SEC31A: variants seen among roughly 807,000 people sequenced by gnomAD.
SEC31A encodes protein transport protein Sec31A.
A neutral mutation model predicts 151.0 loss-of-function variants in SEC31A; 70 were observed. The observed-to-expected ratio is 0.46, with a 90% CI of 0.38 to 0.57. The LOEUF is 0.57. Ranked by LOEUF, SEC31A falls within the 20% of genes least tolerant of loss-of-function variation. The pLI, the probability that SEC31A is intolerant of heterozygous loss-of-function variation, is 0.00. For missense variants in SEC31A, 1,330 were observed against 1,471.2 expected (o/e 0.90, Z 1.57); for synonymous variants, 475 against 505.9 (o/e 0.94, Z 0.82).
chr4:82,851,449 A>T lies in SEC31A; in HGVS notation c.2310T>A (p.Leu770=), dbSNP rs766991791. The T allele has an allele frequency of 6.2e-7, 1 of 1,611,320 alleles. No individual in the cohort carries two copies. Among genetic ancestry groups the T allele is most frequent in the Non-Finnish European group, 8.5e-7 (1 of 1,179,074 alleles). The part of the protein sequence containing the change: ...QGSIAAALAF[L]PDNTNQPNIM... ...TAATTACCTGGTTGGTGTTGTCAGG[A>T]AGAAAAGCCAAGGCTGCAGCAATAC... is the stretch of plus-strand genomic sequence containing the variant. The change falls in exon 19 of 27, where the codon CTT becomes CTA. Residue 770 remains leucine (L), a synonymous_variant. Transcript: ENST00000395310.
At chr4:82,896,659 C>T (rs1720074753) in intron 3 of SEC31A, among the ~76,000 whole-genome samples, 1 of 152,100 alleles carries the variant, frequency 6.6e-6, no homozygotes, top group Non-Finnish European at 1.5e-5. Context: ...CTTAGAGAAG[C>T]TAATTGGAAC....
At chr4:82,880,952 C>A in intron 2 of SEC31A, 30 bp from the exon 3 acceptor site, 1 of 1,555,234 alleles carries the variant, frequency 6.4e-7, no homozygotes, top group South Asian at 1.2e-5. Context: ...GGTAACTATA[C>A]ACACAAAAAT....
At chr4:82,880,422 G>A (rs771179905) in intron 3 of SEC31A, among the ~76,000 whole-genome samples, 9 of 150,638 alleles carry the variant, frequency 6.0e-5, no homozygotes, top group Non-Finnish European at 3.0e-5. Context: ...AAACCCTGTC[G>A]CTACTAAAGA....
At chr4:82,843,141 T>C (rs1383952913) in intron 21 of SEC31A, among the ~76,000 whole-genome samples, 1 of 151,778 alleles carries the variant, frequency 6.6e-6, no homozygotes, top group Non-Finnish European at 1.5e-5. Flanking sequence ...TTTTTTTTTT[T>C]TTTCTTTGAG....
intron 14 of SEC31A, among the ~76,000 whole-genome samples, chr4:82,858,357 A>G (rs574323568): frequency 3.9e-4 from 60 of 152,034 alleles, no homozygotes; most frequent in African/African-American, 1.3e-3. Flanking sequence ...CATCCTGGCC[A>G]ACATGGTGAA....
intron 8 of SEC31A, among the ~76,000 whole-genome samples, chr4:82,868,430 G>A (rs1341723600): frequency 1.3e-5 from 2 of 151,920 alleles, no homozygotes; most frequent in Admixed American, 6.6e-5. Flanking sequence ...GAGCCCAAGA[G>A]GTCAAGGTTT....
Position 82,845,448 on chromosome 4 carries a change from C to G in SEC31A, c.2503-939G>C, listed in dbSNP as rs145914180. On this transcript the variant is annotated intron_variant, in intron 20 of 26. Transcript: ENST00000395310. ...AGTCAGGCAACTGCTTTCAAGGTAG[C>G]TGGAATTCCCAAAAAAACAAAACAA... Among the ~76,000 whole-genome samples, 644 of 150,976 alleles carry G rather than the reference C, an allele frequency of 4.3e-3. 13 individuals carry two copies. The highest frequency in any genetic ancestry group is 0.015 in the African/African-American group (621 of 41,186).
chr4:82,823,668 T>C (rs1723913464), intron 25 of SEC31A, among the ~76,000 whole-genome samples: 1 of 152,240 alleles, frequency 6.6e-6, no homozygotes, highest in African/African-American at 2.4e-5. Flanking sequence ...CAGGGGTATC[T>C]TAAGTAAACT....
At chr4:82,858,554 A>C (rs76968215) in intron 14 of SEC31A, among the ~76,000 whole-genome samples, 9 of 107,808 alleles carry the variant, frequency 8.3e-5, no homozygotes, top group Non-Finnish European at 9.2e-5. Context: ...AAAAAAAAAA[A>C]AAAAAAAAAA....
At chr4:82,896,919 A>G (rs912133779) in intron 3 of SEC31A, among the ~76,000 whole-genome samples, 1 of 151,878 alleles carries the variant, frequency 6.6e-6, no homozygotes, top group Non-Finnish European at 1.5e-5. Context: ...AATACTTGCT[A>G]CTCTTTTCCT....
chr4:82,858,223 C>T (rs566210407), intron 14 of SEC31A, among the ~76,000 whole-genome samples: 2 of 152,036 alleles, frequency 1.3e-5, no homozygotes, highest in Non-Finnish European at 2.9e-5. Flanking sequence ...CCATTCTGGC[C>T]AACATGGTGA....
At chr4:82,825,712 A>G (rs1293058545) in intron 24 of SEC31A, among the ~76,000 whole-genome samples, 1 of 152,178 alleles carries the variant, frequency 6.6e-6, no homozygotes, top group Non-Finnish European at 1.5e-5. Context: ...AAGAGGAAAA[A>G]AGGCCAAATT....
At position 82,854,984 on chromosome 4, in the gene SEC31A, A is replaced by C. The variant is rs1319149426; in HGVS notation, c.1927T>G (p.Ser643Ala). The change falls in exon 17 of 27, where the codon TCT becomes GCT. Residue 643 changes from serine (S) to alanine (A), a missense_variant. Transcript: ENST00000395310. ...TCTCTCCAATTTTTAAGATCACAAG[A>C]CTCAACAATCTCTTTCCAGTTCTTC... ...VMKNWKEIVE[S>A]CDLKNWREAL... 6.2e-7 allele frequency: 1 copy of C among 1,613,734 alleles called. No individual in the cohort carries two copies. The highest frequency in any genetic ancestry group is 8.5e-7 in the Non-Finnish European group (1 of 1,179,868).
At chr4:82,856,311 C>T (rs549962763) in intron 16 of SEC31A, among the ~76,000 whole-genome samples, 10 of 151,622 alleles carry the variant, frequency 6.6e-5, no homozygotes, top group East Asian at 4.0e-4. Context: ...CCACCACATC[C>T]GGTTAATTTT....
intron 7 of SEC31A, among the ~76,000 whole-genome samples, chr4:82,871,148 C>G (rs1250243874): frequency 6.6e-6 from 1 of 152,120 alleles, no homozygotes; most frequent in South Asian, 2.1e-4. Context: ...GTGGCTCTAT[C>G]CTGGGCAAAT....
chr4:82,848,731 T>C, intron 20 of SEC31A, 73 bp downstream of exon 20: 2 of 1,351,598 alleles, frequency 1.5e-6, no homozygotes, highest in Non-Finnish European at 2.0e-6. Flanking sequence ...GGTCTCCTGC[T>C]GAACAAATGA....
chr4:82,851,634 A>T, intron 18 of SEC31A, 30 bp from the exon 19 acceptor site: 1 of 1,577,636 alleles, frequency 6.3e-7, no homozygotes, highest in Non-Finnish European at 8.7e-7. Flanking sequence ...AACAAACAGA[A>T]ATATCAAGAC....
At position 82,848,970 on chromosome 4, in the gene SEC31A, A is replaced by G. The variant is rs1403864498; in HGVS notation, c.2336T>C (p.Ile779Thr). The G allele has an allele frequency of 6.2e-6, 10 of 1,612,810 alleles. No homozygotes were observed. Among genetic ancestry groups the G allele is most frequent in the Admixed American group, 1.7e-5 (1 of 59,698 alleles). ...ACAAAGTCTGTCACGAAGCTGCATG[A>G]TATTTGGCTAAAAAGGATTGGAAAA... is the stretch of plus-strand genomic sequence containing the variant. ...FLPDNTNQPN[I>T]MQLRDRLCRA... is the part of the protein sequence containing the mutation. The change falls in exon 20 of 27, where the codon ATC becomes ACC. Residue 779 changes from isoleucine to threonine, a missense_variant. Coordinates refer to ENST00000395310, the MANE Select transcript of SEC31A (RefSeq NM_001077207.4).
chr4:82,828,795 T>A (rs894155927), intron 23 of SEC31A, among the ~76,000 whole-genome samples: 1 of 149,760 alleles, frequency 6.7e-6, no homozygotes, highest in African/African-American at 2.4e-5. Context: ...TATATCACCA[T>A]CATCAGAACA....
Sources: allele counts gnomAD v4.1 joint callset (sites outside exome capture counted in the v4.1 genomes callset), GRCh38; gene constraint gnomAD v4.1.1; transcripts MANE v1.5; gene names NCBI Gene and HGNC (gene_info 2026-07-23, HGNC 2026-07-21).